The following ZC3H13 variants were observed in gnomAD, a reference collection of about 807,000 sequenced individuals.
ZC3H13 encodes zinc finger CCCH-type containing 13.
A neutral mutation model predicts 204.1 loss-of-function variants in ZC3H13; 64 were observed. The observed-to-expected ratio is 0.31, with a 90% CI of 0.26 to 0.39. ZC3H13 has a LOEUF of 0.39. Ranked by LOEUF, ZC3H13 falls within the 10% of genes least tolerant of loss-of-function variation. The pLI is 1.00. For missense variants in ZC3H13, 1,833 were observed against 2,082.7 expected (o/e 0.88, Z 2.33); for synonymous variants, 667 against 693.7 (o/e 0.96, Z 0.60).
At chr13:45,981,925 G>A (rs1443078939) in intron 10 of ZC3H13, among the ~76,000 whole-genome samples, 3 of 150,658 alleles carry the variant, frequency 2.0e-5, no homozygotes, top group Non-Finnish European at 4.4e-5. Flanking sequence ...GCTAAATGAC[G>A]AGTTAATGGG....
At position 45,975,616 on chromosome 13, in the gene ZC3H13, G is replaced by A. The variant is rs746861762; in HGVS notation, c.2135C>T (p.Ala712Val). The A allele has an allele frequency of 6.4e-6, 10 of 1,570,622 alleles. No homozygotes were observed. In the Admixed American group the frequency reaches 1.9e-4, roughly 30 times the overall value. ...EKERELERER[A>V]REREREREKE... ...TTCTCTTTCTCTCTCCCGTTCCCTA[G>A]CACGCTCTCTTTCTAGTTCTCTCTC... Residue 712 changes from alanine (A) to valine (V), a missense_variant, in exon 12 of 19, where the codon GCT becomes GTT. By Grantham distance (64) the Ala-to-Val change is moderately conservative. Coordinates refer to ENST00000679008, the MANE Select transcript of ZC3H13 (RefSeq NM_001330564.2).
intron 17 of ZC3H13, 92 bp downstream of exon 17, chr13:45,963,749 GT>G: frequency 6.4e-7 from 1 of 1,561,806 alleles, no homozygotes; most frequent in Non-Finnish European, 8.6e-7. Flanking sequence ...TCTACACAGT[GT>G]TAAGTGCTAC....
intron 17 of ZC3H13, among the ~76,000 whole-genome samples, chr13:45,961,107 G>C (rs1255298363): frequency 6.6e-6 from 1 of 152,046 alleles, no homozygotes; most frequent in Non-Finnish European, 1.5e-5. Context: ...AGTTGGACTA[G>C]AATACCTTAA....
At position 45,963,604 on chromosome 13, in the gene ZC3H13, T is replaced by C. The variant is rs960797105; in HGVS notation, c.4675+238A>G. On this transcript the variant is annotated intron_variant, in intron 17 of 18. Coordinates refer to ENST00000679008, the MANE Select transcript of ZC3H13 (RefSeq NM_001330564.2). ...CGCCTGGCCTGTTAATAAGTAATTTTCATACAAAAAGGTCATTGTACTCTT... is the reference window on the plus strand; with the variant it reads ...CGCCTGGCCTGTTAATAAGTAATTTCCATACAAAAAGGTCATTGTACTCTT... The C allele has an allele frequency of 2.3e-6, 3 of 1,290,826 alleles. No individual in the cohort carries two copies. The South Asian group carries it at 5.2e-5, about 22-fold the overall frequency. The allele number at this position is 1,290,826 out of a possible 1,614,324, so 80.0% of individuals were successfully genotyped here. A position where few individuals can be genotyped will look rare whatever the true frequency, so the allele number is the denominator to read the frequency against.
At chr13:45,980,741 G>C (rs1421022717) in intron 10 of ZC3H13, among the ~76,000 whole-genome samples, 2 of 152,204 alleles carry the variant, frequency 1.3e-5, no homozygotes, top group African/African-American at 4.8e-5. Flanking sequence ...AGGTTGCCAG[G>C]GGTTGGGGCC....
intron 16 of ZC3H13, 37 bp from the exon 17 acceptor site, chr13:45,964,079 A>G: frequency 6.4e-7 from 1 of 1,560,834 alleles, no homozygotes; most frequent in Non-Finnish European, 8.7e-7. Flanking sequence ...GTTTTACACC[A>G]AGAAATAGCA....
intron 1 of ZC3H13, among the ~76,000 whole-genome samples, chr13:46,045,993 T>C (rs938012227): frequency 6.6e-6 from 1 of 152,226 alleles, no homozygotes; most frequent in African/African-American, 2.4e-5. Context: ...TTATGTTTCA[T>C]AAGTTTAAGG....
chr13:46,026,113 T>TC, intron 4 of ZC3H13, among the ~76,000 whole-genome samples: 1 of 152,242 alleles, frequency 6.6e-6, no homozygotes, highest in Admixed American at 6.5e-5. Context: ...AACTGTAGTT[T>TC]ATTTTGTTTA....
intron 12 of ZC3H13, among the ~76,000 whole-genome samples, 186 bp downstream of exon 12, chr13:45,975,097 C>T (rs879278154): frequency 2.6e-5 from 4 of 151,952 alleles, no homozygotes; most frequent in Admixed American, 6.6e-5. Context: ...CTGCCTGCCT[C>T]GGCCTCCCAA....
intron 2 of ZC3H13, 31 bp from the exon 3 acceptor site, chr13:46,045,095 A>G (rs2043853262): frequency 1.9e-6 from 3 of 1,546,968 alleles, no homozygotes; most frequent in East Asian, 2.3e-5. Context: ...TGTAAATTTC[A>G]TATTTATTTC....
At chr13:46,032,786 A>G (rs2042980182) in intron 4 of ZC3H13, among the ~76,000 whole-genome samples, 1 of 152,182 alleles carries the variant, frequency 6.6e-6, no homozygotes, top group Non-Finnish European at 1.5e-5. Flanking sequence ...GTACCATACA[A>G]TCATACAATG....
intron 7 of ZC3H13, among the ~76,000 whole-genome samples, chr13:46,008,681 G>A (rs1251607543): frequency 2.6e-5 from 4 of 152,074 alleles, no homozygotes; most frequent in Non-Finnish European, 5.9e-5. Flanking sequence ...GCAGTTTATT[G>A]GGGAAATGAA....
At chr13:46,013,243 G>A (rs1190941824) in intron 5 of ZC3H13, among the ~76,000 whole-genome samples, 2 of 151,954 alleles carry the variant, frequency 1.3e-5, no homozygotes, top group African/African-American at 2.4e-5. Flanking sequence ...GTGAAACCCC[G>A]TCTCTACTAA....
At chr13:45,996,057 C>T (rs2040312452) in intron 8 of ZC3H13, among the ~76,000 whole-genome samples, 1 of 152,120 alleles carries the variant, frequency 6.6e-6, no homozygotes, top group African/African-American at 2.4e-5. Context: ...GCAGAATGAG[C>T]TACATGCAAT....
Position 45,967,669 on chromosome 13 carries a change from A to T in ZC3H13, c.4156T>A (p.Ser1386Thr), listed in dbSNP as rs1169362781. ...AGTTTTGCTTCACAGCGTTTCACAGACTCTATTTGAGAACTCTCAAAAGTT... is the reference window on the plus strand; with the variant it reads ...AGTTTTGCTTCACAGCGTTTCACAGTCTCTATTTGAGAACTCTCAAAAGTT... The part of the protein sequence containing the change: ...DRTFESSQIE[S>T]VKRCEAKLEG... Residue 1386 changes from serine to threonine, a missense_variant, in exon 15 of 19, where the codon TCT (serine) becomes ACT (threonine). Physicochemically the swap from Ser to Thr is moderately conservative, Grantham distance 58. This residue lies in a region of ZC3H13 where 1,574 missense variants were observed against 1,757.2 expected (regional missense o/e 0.90). Transcript: ENST00000679008. 6.2e-7 allele frequency: 1 copy of T among 1,613,698 alleles called. No homozygotes were observed. Among genetic ancestry groups the T allele is most frequent in the Non-Finnish European group, 8.5e-7 (1 of 1,179,966 alleles).
intron 11 of ZC3H13, chr13:45,976,204 A>G: frequency 2.0e-6 from 2 of 984,636 alleles, no homozygotes; most frequent in African/African-American, 1.8e-5. Flanking sequence ...CTGTCCCCCC[A>G]GCAGGACCTG....
intron 4 of ZC3H13, among the ~76,000 whole-genome samples, chr13:46,027,993 T>C (rs2042643585): frequency 6.6e-6 from 1 of 152,114 alleles, no homozygotes; most frequent in South Asian, 2.1e-4. Context: ...ACAATTACTT[T>C]AAACATCAAT....
At chr13:46,012,773 A>C (rs2041652764) in intron 5 of ZC3H13, among the ~76,000 whole-genome samples, 1 of 152,234 alleles carries the variant, frequency 6.6e-6, no homozygotes, top group African/African-American at 2.4e-5. Context: ...GAAGACACTG[A>C]ATTTAATTAA....
chr13:45,964,476 CAG>C (rs1951925223), intron 16 of ZC3H13, among the ~76,000 whole-genome samples: 1 of 152,124 alleles, frequency 6.6e-6, no homozygotes, highest in Admixed American at 6.5e-5. Context: ...CTTTAAGAGT[CAG>C]AGAGTGACAA....
Sources: gnomAD v4.1 joint callset for allele counts (sites outside exome capture counted in the v4.1 genomes callset) on GRCh38, gnomAD v4.1.1 for gene constraint, gnomAD v4.1.1 regional missense constraint, MANE v1.5 for transcripts, NCBI Gene and HGNC (gene_info 2026-07-23, HGNC 2026-07-21) for gene names.